NALF1: variants seen among roughly 807,000 people sequenced by gnomAD.
NALF1 encodes family with sequence similarity 155 member A.
In NALF1, 3 loss-of-function variants were observed where a neutral mutation model predicts 48.4. The ratio of observed to expected loss-of-function variants is 0.06; its 90% CI spans 0.03 to 0.16. The LOEUF is 0.16. Among genes scored for constraint, NALF1 ranks in the 10% least tolerant of loss-of-function variants. NALF1 has a pLI of 1.00. For missense variants in NALF1, 526 were observed against 571.5 expected (o/e 0.92, Z 0.81); for synonymous variants, 262 against 245.7 (o/e 1.07, Z -0.62).
At chr13:107,802,023 C>T (rs1384539063) in intron 1 of NALF1, among the ~76,000 whole-genome samples, 1 of 152,118 alleles carries the variant, frequency 6.6e-6, no homozygotes, top group Non-Finnish European at 1.5e-5. Flanking sequence ...AAGAAAGAAA[C>T]GTGTGAAACC....
intron 1 of NALF1, among the ~76,000 whole-genome samples, chr13:107,271,584 A>AGGCTGTGCTCT (rs1555329765): frequency 2.0e-5 from 3 of 151,704 alleles, no homozygotes; most frequent in African/African-American, 7.3e-5. Context: ...GGCTGTGCTC[A>AGGCTGTGCTCT]GGTATTGCAA....
chr13:107,318,208 A>G (rs1003956425), intron 1 of NALF1, among the ~76,000 whole-genome samples: 1 of 152,176 alleles, frequency 6.6e-6, no homozygotes, highest in South Asian at 2.1e-4. Flanking sequence ...CTGACAAAAT[A>G]TGTCAATCAA....
chr13:107,350,186 A>G (rs1316349938), intron 1 of NALF1, among the ~76,000 whole-genome samples: 1 of 152,188 alleles, frequency 6.6e-6, no homozygotes, highest in African/African-American at 2.4e-5. Context: ...CTTGGAACTG[A>G]GGGTTGGGGA....
At position 107,194,670 on chromosome 13, in the gene NALF1, A is replaced by G. The variant is rs533287103; in HGVS notation, c.1087+15914T>C. On this transcript the variant is annotated intron_variant, in intron 2 of 2. Transcript: ENST00000375915. ...TTCTAGACATTGGCTTAGGCAAAGAATTCATTACTAAGACCCAAAAAGCAA... is the reference window on the plus strand; with the variant it reads ...TTCTAGACATTGGCTTAGGCAAAGAGTTCATTACTAAGACCCAAAAAGCAA... Among the ~76,000 whole-genome samples, 5 of 152,280 alleles carry G rather than the reference A, an allele frequency of 3.3e-5. No homozygotes were observed. The East Asian group carries it at 9.7e-4, about 29-fold the overall frequency.
At chr13:107,500,106 G>A (rs1049803176) in intron 1 of NALF1, among the ~76,000 whole-genome samples, 4 of 152,052 alleles carry the variant, frequency 2.6e-5, no homozygotes, top group Admixed American at 2.0e-4. Context: ...CACCCTGGAA[G>A]GCTTGACAAT....
chr13:107,250,322 T>C (rs1444016666), intron 1 of NALF1, among the ~76,000 whole-genome samples: 2 of 152,206 alleles, frequency 1.3e-5, no homozygotes, highest in East Asian at 3.9e-4. Flanking sequence ...AACTATTTTA[T>C]ATTATTAACC....
At chr13:107,426,062 C>T (rs2139012697) in intron 1 of NALF1, among the ~76,000 whole-genome samples, 1 of 152,284 alleles carries the variant, frequency 6.6e-6, no homozygotes, top group South Asian at 2.1e-4. Context: ...CGCTGCTGTG[C>T]ACTTTGTGGC....
chr13:107,276,788 A>T (rs901984875), intron 1 of NALF1, among the ~76,000 whole-genome samples: 1 of 152,140 alleles, frequency 6.6e-6, no homozygotes, highest in African/African-American at 2.4e-5. Flanking sequence ...AAAGTAAAAA[A>T]ATTATGCATT....
intron 1 of NALF1, among the ~76,000 whole-genome samples, chr13:107,765,367 A>C (rs1877393051): frequency 6.6e-6 from 1 of 152,144 alleles, no homozygotes; most frequent in Non-Finnish European, 1.5e-5. Context: ...TTTCTCCTTA[A>C]AATATTTATC....
intron 1 of NALF1, among the ~76,000 whole-genome samples, chr13:107,409,105 A>G (rs374601802): frequency 5.3e-5 from 8 of 152,292 alleles, no homozygotes; most frequent in African/African-American, 1.9e-4. Flanking sequence ...GCTAATGACT[A>G]GGCCCCAAGT....
intron 1 of NALF1, among the ~76,000 whole-genome samples, chr13:107,774,853 C>A (rs1435072742): frequency 5.3e-5 from 8 of 152,100 alleles, no homozygotes; most frequent in Admixed American, 3.9e-4. Context: ...TTCTTCCTTC[C>A]TCTCTTCCGA....
At chr13:107,608,663 A>G (rs983867489) in intron 1 of NALF1, among the ~76,000 whole-genome samples, 50 of 152,302 alleles carry the variant, frequency 3.3e-4, no homozygotes, top group African/African-American at 1.1e-3. Flanking sequence ...GGCACTTACT[A>G]TATGTCGAAT....
intron 1 of NALF1, among the ~76,000 whole-genome samples, chr13:107,474,127 TA>T (rs1344898298): frequency 3.9e-5 from 6 of 152,220 alleles, no homozygotes; most frequent in African/African-American, 1.4e-4. Context: ...CAGAACTGAA[TA>T]AAATTTTTTT....
At chr13:107,769,976 G>A (rs1018645818) in intron 1 of NALF1, among the ~76,000 whole-genome samples, 3 of 152,102 alleles carry the variant, frequency 2.0e-5, no homozygotes, top group Non-Finnish European at 2.9e-5. Flanking sequence ...GCAGTGGCGC[G>A]GTCTCGGCTC....
chr13:107,770,758 T>C (rs565645152), intron 1 of NALF1, among the ~76,000 whole-genome samples: 78 of 152,234 alleles, frequency 5.1e-4, no homozygotes, highest in Non-Finnish European at 8.5e-4. Context: ...TAAATGTTCA[T>C]TTGATGGCTT....
intron 2 of NALF1, among the ~76,000 whole-genome samples, chr13:107,183,836 C>T (rs1216950671): frequency 6.6e-6 from 1 of 151,998 alleles, no homozygotes; most frequent in African/African-American, 2.4e-5. Context: ...CACACCAGGG[C>T]CTGTCGAGGG....
chr13:107,768,959 T>C (rs1172069964), intron 1 of NALF1, among the ~76,000 whole-genome samples: 2 of 151,998 alleles, frequency 1.3e-5, no homozygotes, highest in African/African-American at 4.8e-5. Flanking sequence ...TCACTGGCCA[T>C]CAGAGAAATG....
intron 1 of NALF1, among the ~76,000 whole-genome samples, chr13:107,253,673 G>T (rs151123346): frequency 1.3e-5 from 2 of 152,056 alleles, no homozygotes; most frequent in African/African-American, 4.8e-5. Context: ...TTAACCTCCC[G>T]TTCCTCTCTA....
chr13:107,789,791 T>C (rs577317942), intron 1 of NALF1, among the ~76,000 whole-genome samples: 2 of 152,326 alleles, frequency 1.3e-5, no homozygotes, highest in South Asian at 4.1e-4. Flanking sequence ...CACGGCAATA[T>C]GCTGCCAGGG....
Sources: allele counts gnomAD v4.1 joint callset (sites outside exome capture counted in the v4.1 genomes callset), GRCh38; gene constraint gnomAD v4.1.1; transcripts MANE v1.5; gene names NCBI Gene and HGNC (gene_info 2026-07-23, HGNC 2026-07-21).